CTNNA3: variants seen among roughly 807,000 people sequenced by gnomAD.
CTNNA3 encodes the protein catenin alpha 3.
A neutral mutation model predicts 95.7 loss-of-function variants in CTNNA3; 76 were observed. The observed-to-expected ratio is 0.79, with a 90% CI of 0.66 to 0.96. CTNNA3 has a LOEUF of 0.96. Ranked by LOEUF, CTNNA3 falls within the 40% of genes least tolerant of loss-of-function variation. The probability of loss-of-function intolerance (pLI) is 0.00; values close to 1 mark genes in which losing one functional copy is unlikely to be tolerated. For synonymous variants in CTNNA3, 431 were observed against 374.4 expected (o/e 1.15, Z -1.74); for missense variants, 1,191 against 1,089.8 (o/e 1.09, Z -1.31).
At position 67,712,089 on chromosome 10, in the gene CTNNA3, G is replaced by A. The variant is rs141333138; in HGVS notation, c.-2+51345C>T. On this transcript the variant is annotated intron_variant, in intron 1 of 17. Coordinates refer to the CTNNA3 transcript ENST00000684154. ...GCTATAAAGACACATGCACACGTAT[G>A]TTTATTGCAGCATTATTCACAATAG... Among the ~76,000 whole-genome samples the A allele has an allele frequency of 0.033, 5,026 of 152,154 alleles. 601 individuals are homozygous for A. In the East Asian group the frequency reaches 0.44, roughly 13 times the overall value.
At chr10:67,021,226 G>C (rs941808481) in intron 7 of CTNNA3, among the ~76,000 whole-genome samples, 1 of 152,024 alleles carries the variant, frequency 6.6e-6, no homozygotes, top group African/African-American at 2.4e-5. Flanking sequence ...GGAAAAAAAA[G>C]CTCAACTTTG....
chr10:67,093,751 A>G (rs774778922), intron 7 of CTNNA3, among the ~76,000 whole-genome samples: 14 of 152,002 alleles, frequency 9.2e-5, no homozygotes, highest in Non-Finnish European at 1.8e-4. Flanking sequence ...GAAAAATACC[A>G]TATGCAGATT....
chr10:67,515,481 T>C (rs961822470), intron 5 of CTNNA3, among the ~76,000 whole-genome samples: 11 of 152,208 alleles, frequency 7.2e-5, no homozygotes, highest in Non-Finnish European at 4.4e-5. Flanking sequence ...ATAGAATATG[T>C]TTGGGTTGGT....
intron 10 of CTNNA3, among the ~76,000 whole-genome samples, chr10:66,571,858 G>A (rs779044607): frequency 3.3e-5 from 5 of 152,036 alleles, no homozygotes; most frequent in Admixed American, 6.6e-5. Flanking sequence ...AGATGAAGCC[G>A]CCGAGGCACA....
At chr10:66,861,803 C>T (rs1340201767) in intron 7 of CTNNA3, among the ~76,000 whole-genome samples, 1 of 152,142 alleles carries the variant, frequency 6.6e-6, no homozygotes, top group African/African-American at 2.4e-5. Context: ...CACTGATTCA[C>T]CAAAATTTGG....
At position 67,259,417 on chromosome 10, in the gene CTNNA3, A is replaced by AT. The variant is rs530318099; in HGVS notation, c.580-39548dup. On this transcript the variant is annotated intron_variant, in intron 5 of 17. Coordinates refer to ENST00000433211, the MANE Select transcript of CTNNA3 (RefSeq NM_013266.4). Reference sequence around the variant, plus strand: ...AAGTTATATAATGCAAAAACAAACAATAAAAAAAAAAGCATTTAGCATTAA... The same window carrying AT: ...AAGTTATATAATGCAAAAACAAACAATTAAAAAAAAAAGCATTTAGCATTAA... 2.5e-4 allele frequency among the ~76,000 whole-genome samples: 38 copies of AT among 152,242 alleles called. 1 individual carries two copies. The highest frequency in any genetic ancestry group is 9.8e-4 in the Admixed American group (15 of 15,292).
chr10:65,941,332 G>C (rs758773242), intron 17 of CTNNA3, among the ~76,000 whole-genome samples: 1 of 152,162 alleles, frequency 6.6e-6, no homozygotes, highest in Non-Finnish European at 1.5e-5. Context: ...TTGAAGTCCA[G>C]GGTCTACTAA....
At chr10:67,517,850 A>G (rs568425574) in intron 5 of CTNNA3, among the ~76,000 whole-genome samples, 57 of 152,274 alleles carry the variant, frequency 3.7e-4, no homozygotes, top group African/African-American at 1.3e-3. Flanking sequence ...ATATGTTCAG[A>G]ACAGTGCTGG....
At chr10:66,213,890 C>A (rs1467226953) in intron 13 of CTNNA3, among the ~76,000 whole-genome samples, 1 of 152,082 alleles carries the variant, frequency 6.6e-6, no homozygotes, top group East Asian at 1.9e-4. Context: ...ATGTTTCCTC[C>A]CTTAGAAGTG....
intron 10 of CTNNA3, among the ~76,000 whole-genome samples, chr10:66,617,753 A>T (rs1844576936): frequency 6.6e-6 from 1 of 152,034 alleles, no homozygotes; most frequent in African/African-American, 2.4e-5. Context: ...TTCAGTTAGG[A>T]AAAGAGGAAG....
chr10:67,622,222 T>A (rs75573599), intron 2 of CTNNA3, among the ~76,000 whole-genome samples: 3,311 of 152,290 alleles, frequency 0.022, 129 homozygotes, highest in African/African-American at 0.075. Context: ...TATCAATCTA[T>A]TAATATCATT....
intron 9 of CTNNA3, among the ~76,000 whole-genome samples, chr10:66,685,897 A>G (rs10740250): frequency 0.55 from 84,172 of 151,858 alleles, 24,074 homozygotes; most frequent in African/African-American, 0.68. Context: ...TTTTCTTGAT[A>G]ATAAATAGAG....
At chr10:66,910,322 T>A (rs1404762345) in intron 7 of CTNNA3, among the ~76,000 whole-genome samples, 3 of 152,160 alleles carry the variant, frequency 2.0e-5, no homozygotes, top group African/African-American at 7.2e-5. Flanking sequence ...TGGTAAATAA[T>A]CTTTGTATCA....
chr10:66,438,026 G>T (rs2093350163), intron 11 of CTNNA3, among the ~76,000 whole-genome samples: 1 of 152,142 alleles, frequency 6.6e-6, no homozygotes, highest in Admixed American at 6.5e-5. Flanking sequence ...CACCAGTGGA[G>T]GCTGCAGAAC....
At chr10:67,617,466 T>C (rs190920075) in intron 2 of CTNNA3, among the ~76,000 whole-genome samples, 40 of 152,288 alleles carry the variant, frequency 2.6e-4, no homozygotes, top group Admixed American at 6.5e-4. Context: ...TAGTTTTCCA[T>C]GGTGTATATA....
chr10:66,721,347 A>C (rs940100395), intron 9 of CTNNA3, among the ~76,000 whole-genome samples: 1 of 152,190 alleles, frequency 6.6e-6, no homozygotes, highest in African/African-American at 2.4e-5. Context: ...ATAAGAAAAC[A>C]ACTGAATGTA....
chr10:66,889,278 C>T (rs747919639), intron 7 of CTNNA3, among the ~76,000 whole-genome samples: 20 of 152,268 alleles, frequency 1.3e-4, no homozygotes, highest in Admixed American at 1.2e-3. Flanking sequence ...TAACACTACT[C>T]GGTATGATAC....
intron 11 of CTNNA3, among the ~76,000 whole-genome samples, chr10:66,448,693 G>T (rs1394222234): frequency 2.0e-5 from 3 of 151,880 alleles, no homozygotes; most frequent in Admixed American, 1.3e-4. Flanking sequence ...GGGGGAAGGG[G>T]GGTGGGATAG....
At chr10:66,325,766 G>C (rs924147074) in intron 12 of CTNNA3, among the ~76,000 whole-genome samples, 1 of 151,900 alleles carries the variant, frequency 6.6e-6, no homozygotes, top group Non-Finnish European at 1.5e-5. Context: ...ATTAAATCTA[G>C]GACTGAAAAT....
Sources: allele counts gnomAD v4.1 joint callset (sites outside exome capture counted in the v4.1 genomes callset), GRCh38; gene constraint gnomAD v4.1.1; transcripts MANE v1.5; gene names NCBI Gene and HGNC (gene_info 2026-07-23, HGNC 2026-07-21).